The following OR1L8 variants were observed in gnomAD, a reference collection of about 807,000 sequenced individuals.
OR1L8 encodes olfactory receptor family 1 subfamily L member 8, also known as olfactory receptor 1L8.
For synonymous variants in OR1L8, 148 were observed against 147.0 expected, an observed-to-expected ratio of 1.01 and a Z score of -0.05; for missense variants, 330 against 377.4, an observed-to-expected ratio of 0.87 and a Z score of 1.04.
the OR1L8 span, among the ~76,000 whole-genome samples, chr9:122,547,448 T>C: frequency 1.3e-5 from 2 of 152,190 alleles, no homozygotes; most frequent in African/African-American, 4.8e-5. Context: ...TGCATGGTGG[T>C]GAACTCTGGG....
chr9:122,582,254 T>C (rs1366481332), intron 1 of OR1L8, among the ~76,000 whole-genome samples: 2 of 152,166 alleles, frequency 1.3e-5, no homozygotes, highest in Non-Finnish European at 2.9e-5. Context: ...TAATGAAAGA[T>C]TGAGAATACA....
chr9:122,553,645 C>T, the OR1L8 span: 6 of 1,614,058 alleles, frequency 3.7e-6, no homozygotes, highest in Non-Finnish European at 4.2e-6. Context: ...CAGCTCTGTG[C>T]ACTAATGCTG....
At chr9:122,570,910 C>G (rs550857673) in intron 4 of OR1L8, among the ~76,000 whole-genome samples, 1 of 152,286 alleles carries the variant, frequency 6.6e-6, no homozygotes, top group South Asian at 2.1e-4. Context: ...TATGTTATTA[C>G]TGTTGCCATT....
At chr9:122,557,979 T>C in the OR1L8 span, among the ~76,000 whole-genome samples, 1 of 152,028 alleles carries the variant, frequency 6.6e-6, no homozygotes, top group Non-Finnish European at 1.5e-5. Flanking sequence ...ATTTAAGTTA[T>C]CATGTTTGTG....
At chr9:122,553,413 A>T in the OR1L8 span, 29 of 1,613,998 alleles carry the variant, frequency 1.8e-5, no homozygotes, top group Admixed American at 2.7e-4. Context: ...CTTTCTGGCC[A>T]ACCTGTCATT....
the OR1L8 span, among the ~76,000 whole-genome samples, chr9:122,549,875 T>C: frequency 6.6e-6 from 1 of 152,234 alleles, no homozygotes; most frequent in South Asian, 2.1e-4. Context: ...AATTTTAGGA[T>C]TTTTTTCTAA....
intron 4 of OR1L8, among the ~76,000 whole-genome samples, chr9:122,571,714 C>CAA (rs35818693): frequency 0.023 from 2,832 of 124,318 alleles, 41 homozygotes; most frequent in African/African-American, 0.027. Context: ...GACTCAGTCT[C>CAA]AAAAAAAAAA....
the OR1L8 span, among the ~76,000 whole-genome samples, chr9:122,560,946 A>T: frequency 6.6e-5 from 10 of 152,244 alleles, no homozygotes; most frequent in East Asian, 1.9e-3. Context: ...CATTCTTCCC[A>T]TCTCTTTCAG....
chr9:122,553,766 T>C, the OR1L8 span: 5 of 1,614,074 alleles, frequency 3.1e-6, no homozygotes, highest in Non-Finnish European at 4.2e-6. Context: ...GTGATCCTAG[T>C]GCTCTCCTGA....
chr9:122,547,165 GA>G, the OR1L8 span, among the ~76,000 whole-genome samples: 2 of 151,782 alleles, frequency 1.3e-5, no homozygotes, highest in Middle Eastern at 3.4e-3. Context: ...GACTAGTAAA[GA>G]AAAAAAGTAC....
chr9:122,561,515 A>G, the OR1L8 span, among the ~76,000 whole-genome samples: 2 of 151,892 alleles, frequency 1.3e-5, no homozygotes, highest in Non-Finnish European at 2.9e-5. Context: ...CCCTTGGATG[A>G]GGTTTTTGTG....
chr9:122,564,724 G>A (rs529265923), downstream of OR1L8, among the ~76,000 whole-genome samples: 1 of 152,278 alleles, frequency 6.6e-6, no homozygotes, highest in South Asian at 2.1e-4. Flanking sequence ...CTGGTACCTG[G>A]TGTGTAGCTA....
the OR1L8 span, among the ~76,000 whole-genome samples, chr9:122,556,294 T>C: frequency 6.6e-6 from 1 of 151,060 alleles, no homozygotes; most frequent in Admixed American, 6.6e-5. Context: ...TTTTTTTTTT[T>C]CATGTGGATG....
the OR1L8 span, among the ~76,000 whole-genome samples, chr9:122,556,941 T>C: frequency 0.24 from 37,185 of 152,000 alleles, 4,902 homozygotes; most frequent in Middle Eastern, 0.34. Context: ...AGTTCTGCAG[T>C]TTTTCTCATA....
the OR1L8 span, among the ~76,000 whole-genome samples, chr9:122,555,156 TCA>T: frequency 6.6e-6 from 1 of 152,190 alleles, no homozygotes; most frequent in Admixed American, 6.5e-5. Context: ...CAGTGATAAC[TCA>T]CAGAGAAAAA....
chr9:122,577,389 A>C (rs181563213), intron 2 of OR1L8, among the ~76,000 whole-genome samples: 39 of 152,348 alleles, frequency 2.6e-4, no homozygotes, highest in African/African-American at 6.7e-4. Flanking sequence ...TTTTACACAT[A>C]TGACCTCCAC....
the OR1L8 span, chr9:122,554,082 T>G: frequency 6.2e-7 from 1 of 1,613,416 alleles, no homozygotes; most frequent in Non-Finnish European, 8.5e-7. Flanking sequence ...GCTAAACCCA[T>G]TCATTTATAG....
chr9:122,554,299 A>C, the OR1L8 span: 1 of 673,214 alleles, frequency 1.5e-6, no homozygotes, highest in African/African-American at 1.8e-5. Flanking sequence ...AAAAAAAAAA[A>C]AAAGAGTGTT....
intron 1 of OR1L8, among the ~76,000 whole-genome samples, chr9:122,578,918 C>T (rs1193859274): frequency 1.3e-5 from 2 of 151,964 alleles, no homozygotes; most frequent in Non-Finnish European, 2.9e-5. Flanking sequence ...TGTAACCAAA[C>T]ACCACCTGTT....
Sources: allele counts gnomAD v4.1 joint callset (sites outside exome capture counted in the v4.1 genomes callset), GRCh38; gene constraint gnomAD v4.1.1; transcripts MANE v1.5; gene names NCBI Gene and HGNC (gene_info 2026-07-23, HGNC 2026-07-21).